The following ARHGAP32 variants were observed in gnomAD, a reference collection of about 807,000 sequenced individuals.
The protein encoded by ARHGAP32 is rho GTPase-activating protein 32.
In ARHGAP32, 51 loss-of-function variants were observed where a neutral mutation model predicts 186.5. The observed-to-expected ratio is 0.27, with a 90% CI of 0.22 to 0.35. ARHGAP32 has a LOEUF of 0.35. Among genes scored for constraint, ARHGAP32 ranks in the 10% least tolerant of loss-of-function variants. ARHGAP32 has a pLI of 1.00. For missense variants in ARHGAP32, 2,186 were observed against 2,623.5 expected (o/e 0.83, Z 3.64); for synonymous variants, 950 against 964.3 (o/e 0.99, Z 0.27).
chr11:129,207,593 T>C lies in ARHGAP32; in HGVS notation c.-4-43166A>G, dbSNP rs1480855209. Among the ~76,000 whole-genome samples, 4 of 152,112 alleles carry C rather than the reference T, an allele frequency of 2.6e-5. No homozygotes were observed. In the South Asian group the frequency reaches 6.2e-4, roughly 24 times the overall value. On this transcript the variant is annotated intron_variant, in intron 1 of 6. Transcript: ENST00000525234. ...CCACTTTTTTATGGGTTTTTTTTTA[T>C]ATAAATTTGTTTAATTTCTTTGTAG...
intron 15 of ARHGAP32, among the ~76,000 whole-genome samples, chr11:128,983,809 A>G (rs1945784946): frequency 6.6e-6 from 1 of 152,156 alleles, no homozygotes; most frequent in South Asian, 2.1e-4. Flanking sequence ...AAAGACATCT[A>G]TTTGGTTTGC....
intron 5 of ARHGAP32, among the ~76,000 whole-genome samples, chr11:129,117,199 C>T (rs1393902548): frequency 6.6e-6 from 1 of 151,964 alleles, no homozygotes; most frequent in African/African-American, 2.4e-5. Flanking sequence ...GCTCTAGTGT[C>T]AGGCCGCCTT....
intron 1 of ARHGAP32, among the ~76,000 whole-genome samples, chr11:129,252,108 T>C (rs1199196323): frequency 6.6e-6 from 1 of 152,222 alleles, no homozygotes; most frequent in Admixed American, 6.5e-5. Context: ...TTTATAGTTT[T>C]AGACCAATTC....
intron 11 of ARHGAP32, among the ~76,000 whole-genome samples, chr11:129,008,876 T>A (rs929975993): frequency 2.6e-5 from 4 of 152,220 alleles, no homozygotes; most frequent in African/African-American, 7.2e-5. Flanking sequence ...TTGTCACATA[T>A]AATATCACTA....
chr11:129,231,578 T>C (rs968506518), intron 1 of ARHGAP32, among the ~76,000 whole-genome samples: 1 of 152,128 alleles, frequency 6.6e-6, no homozygotes, highest in Admixed American at 6.5e-5. Context: ...ACAAAAACTG[T>C]CAACTGTGGA....
intron 1 of ARHGAP32, among the ~76,000 whole-genome samples, chr11:129,178,667 A>G (rs1943977166): frequency 6.6e-6 from 1 of 152,164 alleles, no homozygotes; most frequent in Non-Finnish European, 1.5e-5. Flanking sequence ...ATCTTTGACA[A>G]ACCTGAGAAG....
At chr11:128,996,173 A>G (rs906819280) in intron 12 of ARHGAP32, among the ~76,000 whole-genome samples, 1 of 152,224 alleles carries the variant, frequency 6.6e-6, no homozygotes, top group African/African-American at 2.4e-5. Context: ...AAAATCGCCT[A>G]AAGATACATT....
intron 3 of ARHGAP32, among the ~76,000 whole-genome samples, 185 bp from the exon 4 acceptor site, chr11:129,124,114 T>C (rs1184265964): frequency 6.6e-6 from 1 of 152,158 alleles, no homozygotes; most frequent in Non-Finnish European, 1.5e-5. Flanking sequence ...TCAGATTTTT[T>C]CAGATTTTGG....
At chr11:129,056,754 T>C (rs577294806) in intron 10 of ARHGAP32, among the ~76,000 whole-genome samples, 1 of 152,226 alleles carries the variant, frequency 6.6e-6, no homozygotes, top group East Asian at 1.9e-4. Context: ...TGAGCAGAGC[T>C]GCAAATGCAG....
At chr11:128,993,756 A>T (rs1454490541) in intron 12 of ARHGAP32, among the ~76,000 whole-genome samples, 1 of 150,798 alleles carries the variant, frequency 6.6e-6, no homozygotes, top group Non-Finnish European at 1.5e-5. Context: ...CTATGGTGTG[A>T]TCATGGCTCA....
At chr11:129,117,128 G>A (rs998474589) in intron 5 of ARHGAP32, among the ~76,000 whole-genome samples, 7 of 151,864 alleles carry the variant, frequency 4.6e-5, no homozygotes, top group Non-Finnish European at 8.8e-5. Flanking sequence ...ACTCCTTTTT[G>A]TTAAAGTATT....
At chr11:129,237,309 A>G (rs1374959930) in intron 1 of ARHGAP32, among the ~76,000 whole-genome samples, 1 of 152,176 alleles carries the variant, frequency 6.6e-6, no homozygotes, top group Non-Finnish European at 1.5e-5. Context: ...AGAAATACAA[A>G]TTTCCCTTTG....
In ARHGAP32 at chr11:128,969,608, G is replaced by A. The variant is rs374263105; in HGVS notation, c.5605C>T (p.Leu1869=). ...HGSTQPEKPS[L]PQKQSSLRSR... ...CTCAGGCTGCTCTGCTTCTGAGGCA[G>A]GGATGGCTTCTCCGGCTGCGTGCTA... The change falls in exon 23 of 23, where the codon CTG becomes TTG. Residue 1869 remains leucine (L), a synonymous_variant. Transcript: ENST00000682385. The surrounding 1 kb of genome is among the most constrained non-coding windows in gnomAD (Gnocchi z 4.8). 5 of 1,613,988 alleles carry A rather than the reference G, an allele frequency of 3.1e-6. No individual in the cohort carries two copies. The African/African-American group carries it at 6.7e-5, about 22-fold the overall frequency.
At chr11:129,016,447 G>A (rs975866254) in intron 11 of ARHGAP32, among the ~76,000 whole-genome samples, 1 of 152,002 alleles carries the variant, frequency 6.6e-6, no homozygotes, top group Non-Finnish European at 1.5e-5. Context: ...GTTTTTTAGG[G>A]AGAGATATAT....
chr11:129,241,789 A>G (rs1945021035), intron 1 of ARHGAP32, among the ~76,000 whole-genome samples: 1 of 152,238 alleles, frequency 6.6e-6, no homozygotes, highest in African/African-American at 2.4e-5. Flanking sequence ...AAAAATCCCA[A>G]TGACATACTA....
intron 6 of ARHGAP32, among the ~76,000 whole-genome samples, chr11:129,081,841 C>T (rs777780835): frequency 6.6e-6 from 1 of 151,946 alleles, no homozygotes; most frequent in Non-Finnish European, 1.5e-5. Context: ...TGATTGTATA[C>T]CTAGAAAACC....
intron 11 of ARHGAP32, among the ~76,000 whole-genome samples, chr11:129,006,922 G>A (rs1054675519): frequency 6.6e-6 from 1 of 152,128 alleles, no homozygotes; most frequent in African/African-American, 2.4e-5. Context: ...TATTGCAGCT[G>A]AGCTGGCACT....
intron 5 of ARHGAP32, among the ~76,000 whole-genome samples, chr11:129,105,601 C>G (rs1458979898): frequency 6.6e-6 from 1 of 151,844 alleles, no homozygotes; most frequent in Admixed American, 6.6e-5. Context: ...TTCACTAAAA[C>G]AGTTTGGAAA....
Position 128,985,128 on chromosome 11 carries a change from T to C in ARHGAP32, c.1526+875A>G, listed in dbSNP as rs1945824378. 2.6e-5 allele frequency among the ~76,000 whole-genome samples: 4 copies of C among 152,248 alleles called. No individual in the cohort carries two copies. In the South Asian group the frequency reaches 6.2e-4, roughly 24 times the overall value. The stretch of plus-strand genomic sequence containing the variant: ...TCCACCTCCCAAGTTCAAGTGATTC[T>C]CCTGCCTCAGCCCCCGAGTAGCTGG... On this transcript the variant is annotated intron_variant, in intron 15 of 22. Coordinates refer to ENST00000682385, the MANE Select transcript of ARHGAP32 (RefSeq NM_001378024.1).
Sources: allele counts gnomAD v4.1 joint callset (sites outside exome capture counted in the v4.1 genomes callset), GRCh38; gene constraint gnomAD v4.1.1; non-coding constraint Gnocchi (gnomAD v3.1); transcripts MANE v1.5; gene names NCBI Gene and HGNC (gene_info 2026-07-23, HGNC 2026-07-21).